NIPAL2: variants seen among roughly 807,000 people sequenced by gnomAD.
NIPAL2 encodes NIPA like domain containing 2.
NIPAL2 carries 43 observed loss-of-function variants against 48.9 expected under a neutral mutation model. That is an observed-to-expected ratio of 0.88 (90% CI 0.69 to 1.13). The LOEUF is 1.13. NIPAL2 is among the 50% of genes most tolerant of loss of function. The pLI is 0.00. For missense variants in NIPAL2, 446 were observed against 461.4 expected (o/e 0.97, Z 0.31); for synonymous variants, 167 against 174.6 (o/e 0.96, Z 0.34).
intron 4 of NIPAL2, among the ~76,000 whole-genome samples, chr8:98,232,124 C>T (rs146222322): frequency 4.5e-4 from 69 of 152,202 alleles, no homozygotes; most frequent in African/African-American, 1.6e-3. Flanking sequence ...GGGAAAAGTC[C>T]TTCCTTGGAC....
Position 98,192,556 on chromosome 8 carries a change from C to A in NIPAL2, c.*422G>T, listed in dbSNP as rs1207133985. On this transcript the variant is annotated 3_prime_UTR_variant, in exon 11 of 11. Transcript: ENST00000430223. ...AAAGGTGTCTTAGAAAAAAAATGAG[C>A]GCTCTCAAACCTTTCTTTTGGGAGT... The A allele has an allele frequency of 6.4e-6, 1 of 157,348 alleles. No individual in the cohort carries two copies. The highest frequency in any genetic ancestry group is 1.4e-5 in the Non-Finnish European group (1 of 71,676). The allele number at this position is 157,348 out of a possible 1,614,324, so 9.7% of individuals were successfully genotyped here. A position where few individuals can be genotyped will look rare whatever the true frequency, so the allele number is the denominator to read the frequency against.
At chr8:98,235,996 A>T (rs1007160711) in intron 4 of NIPAL2, among the ~76,000 whole-genome samples, 159 bp downstream of exon 4, 2 of 152,144 alleles carry the variant, frequency 1.3e-5, no homozygotes, top group Non-Finnish European at 2.9e-5. Context: ...GCGAGAAGAG[A>T]TGGCAGCTCC....
At chr8:98,240,188 T>C (rs1812914466) in intron 3 of NIPAL2, among the ~76,000 whole-genome samples, 1 of 152,224 alleles carries the variant, frequency 6.6e-6, no homozygotes, top group Admixed American at 6.5e-5. Context: ...AAGCAATCAA[T>C]TGTGTGTGCA....
intron 6 of NIPAL2, among the ~76,000 whole-genome samples, chr8:98,208,030 G>A (rs1238282547): frequency 6.6e-6 from 1 of 152,064 alleles, no homozygotes. Flanking sequence ...AACCACCAAA[G>A]GGGAATTCCT....
At chr8:98,272,883 A>AT (rs902344996) in intron 1 of NIPAL2, among the ~76,000 whole-genome samples, 1 of 152,108 alleles carries the variant, frequency 6.6e-6, no homozygotes, top group Non-Finnish European at 1.5e-5. Context: ...GGAAATGCTT[A>AT]TTTTTTCCAG....
At chr8:98,203,031 T>A in intron 8 of NIPAL2, 77 bp downstream of exon 8, 1 of 1,139,476 alleles carries the variant, frequency 8.8e-7, no homozygotes, top group South Asian at 1.3e-5. Flanking sequence ...CCTAAAGATT[T>A]CTGGATTCTC....
chr8:98,221,098 C>A (rs1203358543), intron 5 of NIPAL2, among the ~76,000 whole-genome samples: 1 of 151,050 alleles, frequency 6.6e-6, no homozygotes, highest in Non-Finnish European at 1.5e-5. Context: ...GCCTCAGCCT[C>A]CCGAGTAGCT....
At chr8:98,209,237 C>T (rs1811187335) in intron 6 of NIPAL2, among the ~76,000 whole-genome samples, 1 of 151,966 alleles carries the variant, frequency 6.6e-6, no homozygotes, top group Non-Finnish European at 1.5e-5. Flanking sequence ...AAGAGGGGCT[C>T]ATAACAGCAT....
chr8:98,207,476 A>G (rs1811093289), intron 6 of NIPAL2, among the ~76,000 whole-genome samples: 1 of 152,200 alleles, frequency 6.6e-6, no homozygotes, highest in Non-Finnish European at 1.5e-5. Context: ...TTCTAACATT[A>G]TACTTAAAAA....
intron 9 of NIPAL2, among the ~76,000 whole-genome samples, chr8:98,195,538 A>T (rs1375570332): frequency 6.6e-6 from 1 of 152,244 alleles, no homozygotes; most frequent in Admixed American, 6.5e-5. Context: ...TATCATGACT[A>T]AAGCAAGGGA....
chr8:98,203,992 A>C, intron 7 of NIPAL2, among the ~76,000 whole-genome samples: 1 of 151,810 alleles, frequency 6.6e-6, no homozygotes, highest in African/African-American at 2.4e-5. Flanking sequence ...ATGTACAAAA[A>C]CCAGGTCATT....
At chr8:98,193,493 T>G (rs1327639707) in intron 10 of NIPAL2, 15 of 1,342,106 alleles carry the variant, frequency 1.1e-5, no homozygotes, top group Middle Eastern at 3.6e-4. Flanking sequence ...ACGGAGCCTA[T>G]GCACTGAGCT....
At chr8:98,193,777 TG>T (rs1187094764) in intron 10 of NIPAL2, among the ~76,000 whole-genome samples, 3 of 145,516 alleles carry the variant, frequency 2.1e-5, no homozygotes, top group African/African-American at 7.6e-5. Flanking sequence ...CACTCCAGCC[TG>T]GGCAACAGAG....
At chr8:98,244,356 G>A (rs1279943648) in intron 3 of NIPAL2, among the ~76,000 whole-genome samples, 1 of 61,200 alleles carries the variant, frequency 1.6e-5, no homozygotes, top group African/African-American at 6.4e-5. Context: ...GGGTGGGCGT[G>A]GTGATGAGGG....
intron 4 of NIPAL2, among the ~76,000 whole-genome samples, chr8:98,228,152 T>A (rs1812269772): frequency 6.6e-6 from 1 of 152,246 alleles, no homozygotes; most frequent in African/African-American, 2.4e-5. Context: ...CCTACCCTCT[T>A]CAGTGCCTCT....
chr8:98,253,174 C>G (rs958902936), intron 2 of NIPAL2, among the ~76,000 whole-genome samples: 7 of 152,054 alleles, frequency 4.6e-5, no homozygotes, highest in Non-Finnish European at 8.8e-5. Context: ...TAATCTTTTA[C>G]TGTGCCTAAG....
chr8:98,276,060 A>C (rs1248920623), intron 1 of NIPAL2, among the ~76,000 whole-genome samples: 1 of 152,212 alleles, frequency 6.6e-6, no homozygotes, highest in Non-Finnish European at 1.5e-5. Flanking sequence ...AGAGTAATAC[A>C]TTTGTTACAT....
chr8:98,278,748 C>G (rs1052528607), intron 1 of NIPAL2, among the ~76,000 whole-genome samples: 37 of 152,276 alleles, frequency 2.4e-4, no homozygotes, highest in African/African-American at 8.2e-4. Flanking sequence ...TTATTAAATA[C>G]CATTTGAACT....
intron 1 of NIPAL2, among the ~76,000 whole-genome samples, chr8:98,288,013 T>C (rs1816273731): frequency 6.6e-6 from 1 of 152,226 alleles, no homozygotes; most frequent in Non-Finnish European, 1.5e-5. Context: ...ATAGCAATGC[T>C]AGTATTATTT....
Sources: allele counts gnomAD v4.1 joint callset (sites outside exome capture counted in the v4.1 genomes callset), GRCh38; gene constraint gnomAD v4.1.1; transcripts MANE v1.5; gene names NCBI Gene and HGNC (gene_info 2026-07-23, HGNC 2026-07-21).